The following TSPAN15 variants were observed in gnomAD, a reference collection of about 807,000 sequenced individuals.
The protein encoded by TSPAN15 is tetraspanin 15, also known as tetraspanin-15.
In TSPAN15, 20 loss-of-function variants were observed where a neutral mutation model predicts 34.5. The observed-to-expected ratio is 0.58, with a 90% CI of 0.41 to 0.84. The LOEUF (loss-of-function observed/expected upper bound fraction) is 0.84. TSPAN15 is among the 40% of genes least tolerant of loss of function. The pLI is 0.00. For synonymous variants in TSPAN15, 155 were observed against 153.9 expected, an observed-to-expected ratio of 1.01 and a Z score of -0.05; for missense variants, 313 against 386.1, an observed-to-expected ratio of 0.81 and a Z score of 1.59.
At position 69,465,589 on chromosome 10, in the gene TSPAN15, C is replaced by T. The variant is rs138117010; in HGVS notation, c.96+13899C>T. Among the ~76,000 whole-genome samples the T allele has an allele frequency of 1.1e-3, 174 of 152,302 alleles. 2 individuals are homozygous for T. The highest frequency in any genetic ancestry group is 4.0e-3 in the African/African-American group (166 of 41,574). On this transcript the variant is annotated intron_variant, in intron 1 of 7. Transcript: ENST00000373290. ...TTTCTAGCCATTCTCTCACTTCAAC[C>T]TCCAGCAACCTAAGAGACAGCGCTG...
At chr10:69,488,437 G>T (rs1841900398) in intron 3 of TSPAN15, among the ~76,000 whole-genome samples, 2 of 152,172 alleles carry the variant, frequency 1.3e-5, no homozygotes, top group Admixed American at 1.3e-4. Flanking sequence ...AATGTAACAA[G>T]TTCAGTCTCC....
chr10:69,546,004 A>G, the TSPAN15 span, among the ~76,000 whole-genome samples: 4 of 151,784 alleles, frequency 2.6e-5, no homozygotes, highest in South Asian at 8.3e-4. Flanking sequence ...AACAAACAAA[A>G]AAACCAAACA....
chr10:69,471,154 C>T (rs1841496565), intron 1 of TSPAN15, among the ~76,000 whole-genome samples: 1 of 152,210 alleles, frequency 6.6e-6, no homozygotes, highest in Non-Finnish European at 1.5e-5. Context: ...AATGTGAGCT[C>T]CACCAAAGCT....
chr10:69,531,940 C>CAAAAAAAAAAAAAA, the TSPAN15 span, among the ~76,000 whole-genome samples: 2 of 97,260 alleles, frequency 2.1e-5, no homozygotes, highest in South Asian at 3.2e-4. Flanking sequence ...CAAAACAAAA[C>CAAAAAAAAAAAAAA]AAAAAAAAAA....
downstream of TSPAN15, among the ~76,000 whole-genome samples, chr10:69,508,686 CCTT>C (rs1041909987): frequency 7.9e-5 from 12 of 152,266 alleles, no homozygotes; most frequent in Non-Finnish European, 1.5e-4. Flanking sequence ...GATATTAACT[CCTT>C]TAATCCTCAC....
chr10:69,477,293 C>G (rs1288134025), intron 1 of TSPAN15, among the ~76,000 whole-genome samples: 2 of 152,110 alleles, frequency 1.3e-5, no homozygotes, highest in Admixed American at 6.5e-5. Context: ...CGCCACCACA[C>G]CCAGCTAATT....
chr10:69,522,204 C>CA, the TSPAN15 span, among the ~76,000 whole-genome samples: 3 of 144,496 alleles, frequency 2.1e-5, 1 homozygote, highest in East Asian at 5.3e-4. Context: ...ACTAAAAATA[C>CA]AAAAAAAATT....
At chr10:69,508,414 C>CTGG (rs1842378727), downstream of TSPAN15, among the ~76,000 whole-genome samples, 1 of 136,540 alleles carries the variant, frequency 7.3e-6, no homozygotes, top group Non-Finnish European at 1.5e-5. Context: ...GTACTCCAGC[C>CTGG]TGGGCAACAG....
At chr10:69,547,097 G>A in the TSPAN15 span, among the ~76,000 whole-genome samples, 4 of 152,010 alleles carry the variant, frequency 2.6e-5, no homozygotes, top group Admixed American at 6.5e-5. Flanking sequence ...AGCTACTCAG[G>A]AGGCTGAGGC....
chr10:69,507,651 G>GTTTTTTTTTTTTTTTTTTTTTTTT (rs398014021), exon 8 of TSPAN15: 4 of 1,012,136 alleles, frequency 4.0e-6, no homozygotes, highest in African/African-American at 1.8e-5. Context: ...ATAAAAACAT[G>GTTTTTTTTTTTTTTTTTTTTTTTT]TTTTTTTTTT....
At chr10:69,543,008 G>C in the TSPAN15 span, among the ~76,000 whole-genome samples, 12 of 152,294 alleles carry the variant, frequency 7.9e-5, 1 homozygote, top group South Asian at 2.5e-3. Context: ...GTAGGGGTGG[G>C]GTATTTGTCT....
chr10:69,502,621 T>A (rs1373975073), intron 5 of TSPAN15, among the ~76,000 whole-genome samples: 1 of 152,166 alleles, frequency 6.6e-6, no homozygotes, highest in Non-Finnish European at 1.5e-5. Context: ...ATATCGATTC[T>A]ATGGTCAGGC....
At chr10:69,499,989 G>A (rs1842170187) in intron 5 of TSPAN15, among the ~76,000 whole-genome samples, 1 of 152,138 alleles carries the variant, frequency 6.6e-6, no homozygotes, top group East Asian at 1.9e-4. Context: ...GGGCACCCTT[G>A]AGTGATGGAC....
At chr10:69,459,434 C>T (rs975852233) in intron 1 of TSPAN15, among the ~76,000 whole-genome samples, 1 of 151,982 alleles carries the variant, frequency 6.6e-6, no homozygotes, top group Admixed American at 6.6e-5. Flanking sequence ...GAGGGATGGG[C>T]GTTTCCACTT....
At chr10:69,488,940 C>T (rs1418001844) in intron 3 of TSPAN15, among the ~76,000 whole-genome samples, 1 of 152,164 alleles carries the variant, frequency 6.6e-6, no homozygotes. Flanking sequence ...TGATAAACAT[C>T]TTAAACAACA....
chr10:69,524,449 G>T, the TSPAN15 span, among the ~76,000 whole-genome samples: 1 of 147,452 alleles, frequency 6.8e-6, no homozygotes, highest in Non-Finnish European at 1.5e-5. Flanking sequence ...CTGGGTGACA[G>T]AGTGAGACTC....
intron 1 of TSPAN15, among the ~76,000 whole-genome samples, chr10:69,466,283 G>T (rs1841382692): frequency 6.6e-6 from 1 of 152,194 alleles, no homozygotes; most frequent in Non-Finnish European, 1.5e-5. Context: ...CAGCTGCTGA[G>T]TGAGGGCTAA....
At chr10:69,539,792 C>T in the TSPAN15 span, among the ~76,000 whole-genome samples, 17 of 152,072 alleles carry the variant, frequency 1.1e-4, no homozygotes, top group African/African-American at 4.1e-4. Flanking sequence ...GCTCCTGCTC[C>T]AGCCATCATG....
At chr10:69,526,786 CAAAAAAAAAA>C in the TSPAN15 span, among the ~76,000 whole-genome samples, 1 of 60,992 alleles carries the variant, frequency 1.6e-5, no homozygotes, top group South Asian at 7.2e-4. Context: ...GACCCTGTCT[CAAAAAAAAAA>C]AAAAAAAAAA....
Sources: gnomAD v4.1 joint callset for allele counts (sites outside exome capture counted in the v4.1 genomes callset) on GRCh38, gnomAD v4.1.1 for gene constraint, MANE v1.5 for transcripts, NCBI Gene and HGNC (gene_info 2026-07-23, HGNC 2026-07-21) for gene names.